NKAIN2: variants seen among roughly 807,000 people sequenced by gnomAD.
NKAIN2 encodes the protein sodium/potassium-transporting ATPase subunit beta-1-interacting protein 2.
NKAIN2 carries 14 observed loss-of-function variants against 32.6 expected under a neutral mutation model. The observed-to-expected ratio is 0.43, with a 90% confidence interval of 0.28 to 0.67. NKAIN2 has a LOEUF of 0.67. NKAIN2 is among the 30% of genes least tolerant of loss of function. The probability of loss-of-function intolerance (pLI) is 0.17; values close to 1 mark genes in which losing one functional copy is unlikely to be tolerated. For synonymous variants in NKAIN2, 80 were observed against 87.2 expected (o/e 0.92, Z 0.46); for missense variants, 198 against 258.3 (o/e 0.77, Z 1.60).
intron 3 of NKAIN2, among the ~76,000 whole-genome samples, chr6:124,469,743 G>A (rs879593435): frequency 6.6e-6 from 1 of 152,104 alleles, no homozygotes; most frequent in Non-Finnish European, 1.5e-5. Flanking sequence ...GTTTTTCACA[G>A]TAAAAATCCC....
intron 1 of NKAIN2, among the ~76,000 whole-genome samples, chr6:123,816,846 C>A (rs1562197103): frequency 6.6e-6 from 1 of 152,072 alleles, no homozygotes; most frequent in African/African-American, 2.4e-5. Flanking sequence ...GACGCAAGGC[C>A]CTTGATTGGC....
At chr6:124,060,291 A>G (rs1444857710) in intron 1 of NKAIN2, among the ~76,000 whole-genome samples, 3 of 152,132 alleles carry the variant, frequency 2.0e-5, no homozygotes, top group African/African-American at 7.2e-5. Flanking sequence ...CTTGATTTGC[A>G]CTCTCAGAGC....
chr6:124,196,449 A>G (rs1351229399), intron 1 of NKAIN2, among the ~76,000 whole-genome samples: 1 of 152,110 alleles, frequency 6.6e-6, no homozygotes, highest in Non-Finnish European at 1.5e-5. Flanking sequence ...AAAGTAAATC[A>G]TATAGTAAAT....
Position 123,804,173 on chromosome 6 carries a change from T to C in NKAIN2, c.-28T>C, listed in dbSNP as rs1040426252. Reference sequence around the variant, plus strand: ...CTCGACGGTGGCCGACGTGGGACAGTCTGGCTGTGGCAGGGGTCTCGGAAA... The same window carrying C: ...CTCGACGGTGGCCGACGTGGGACAGCCTGGCTGTGGCAGGGGTCTCGGAAA... On this transcript the variant is annotated 5_prime_UTR_variant, in exon 1 of 7. Transcript: ENST00000368417. The C allele has an allele frequency of 2.5e-6, 4 of 1,611,012 alleles. No homozygotes were observed. Among genetic ancestry groups the C allele is most frequent in the Admixed American group, 1.7e-5 (1 of 60,000 alleles).
intron 3 of NKAIN2, among the ~76,000 whole-genome samples, chr6:124,408,536 G>C (rs1773983976): frequency 6.6e-6 from 1 of 152,232 alleles, no homozygotes; most frequent in Non-Finnish European, 1.5e-5. Context: ...TGAGGGCTCT[G>C]TTCTGTTCCA....
chr6:124,520,263 G>A (rs1333432781), intron 3 of NKAIN2, among the ~76,000 whole-genome samples: 1 of 152,096 alleles, frequency 6.6e-6, no homozygotes, highest in Non-Finnish European at 1.5e-5. Flanking sequence ...TCTTACTTTT[G>A]TTTGTTTTTT....
At chr6:124,261,287 T>G (rs1447422236) in intron 1 of NKAIN2, among the ~76,000 whole-genome samples, 1 of 152,218 alleles carries the variant, frequency 6.6e-6, no homozygotes, top group Admixed American at 6.5e-5. Context: ...TTTACTATTA[T>G]GCAAGAAAAC....
At chr6:124,606,179 C>A (rs908301396) in intron 3 of NKAIN2, among the ~76,000 whole-genome samples, 1 of 151,912 alleles carries the variant, frequency 6.6e-6, no homozygotes, top group African/African-American at 2.4e-5. Flanking sequence ...TCACCTCTCA[C>A]AATTCTGTAT....
At chr6:124,227,111 TA>T (rs1351295996) in intron 1 of NKAIN2, among the ~76,000 whole-genome samples, 2 of 148,516 alleles carry the variant, frequency 1.3e-5, no homozygotes, top group Non-Finnish European at 3.0e-5. Context: ...AAAAAGTTAC[TA>T]ATACTCTGAA....
chr6:124,551,003 C>A (rs1414325245), intron 3 of NKAIN2, among the ~76,000 whole-genome samples: 3 of 152,140 alleles, frequency 2.0e-5, no homozygotes, highest in African/African-American at 7.2e-5. Context: ...TATGGATTGG[C>A]ATTTGGGAAA....
intron 1 of NKAIN2, among the ~76,000 whole-genome samples, chr6:123,965,875 C>T (rs1348761631): frequency 6.6e-6 from 1 of 152,112 alleles, no homozygotes; most frequent in African/African-American, 2.4e-5. Flanking sequence ...TACAATAAAA[C>T]CCAGTCTAAT....
At chr6:124,164,269 G>T (rs181988783) in intron 1 of NKAIN2, among the ~76,000 whole-genome samples, 64 of 151,960 alleles carry the variant, frequency 4.2e-4, no homozygotes, top group Non-Finnish European at 7.5e-4. Context: ...ATATACCCAC[G>T]TTTCCCAAAC....
intron 1 of NKAIN2, among the ~76,000 whole-genome samples, chr6:124,251,111 C>G (rs887343882): frequency 2.0e-5 from 3 of 151,718 alleles, no homozygotes; most frequent in Non-Finnish European, 2.9e-5. Flanking sequence ...AAGGAGAGAA[C>G]TAGAAAACAT....
intron 3 of NKAIN2, among the ~76,000 whole-genome samples, chr6:124,597,885 GAAGTT>G (rs1782153290): frequency 6.6e-6 from 1 of 152,162 alleles, no homozygotes; most frequent in African/African-American, 2.4e-5. Context: ...TTAAAGAAGT[GAAGTT>G]ATTTGGATGA....
At chr6:124,404,778 GAT>G (rs74273307) in intron 3 of NKAIN2, among the ~76,000 whole-genome samples, 24,254 of 151,930 alleles carry the variant, frequency 0.16, 2,206 homozygotes, top group East Asian at 0.24. Context: ...TAGAATTTAA[GAT>G]ATGTTTGTTT....
chr6:124,745,414 T>G (rs979635067), intron 4 of NKAIN2, among the ~76,000 whole-genome samples: 3 of 151,924 alleles, frequency 2.0e-5, no homozygotes, highest in African/African-American at 7.2e-5. Flanking sequence ...AAGGATGAAT[T>G]TAATATTTAG....
chr6:124,250,097 A>T (rs1224894950), intron 1 of NKAIN2, among the ~76,000 whole-genome samples: 1 of 152,092 alleles, frequency 6.6e-6, no homozygotes, highest in Non-Finnish European at 1.5e-5. Context: ...TGCCCTTTTA[A>T]TAGAGGCCCC....
chr6:124,351,965 A>G (rs144561405), intron 2 of NKAIN2, among the ~76,000 whole-genome samples: 73 of 152,260 alleles, frequency 4.8e-4, no homozygotes, highest in African/African-American at 1.7e-3. Flanking sequence ...ATGTGACATA[A>G]TCATCATAAT....
At chr6:124,286,268 G>T (rs1291219797) in intron 2 of NKAIN2, among the ~76,000 whole-genome samples, 15 of 151,888 alleles carry the variant, frequency 9.9e-5, no homozygotes, top group Admixed American at 9.8e-4. Flanking sequence ...TATACATTAT[G>T]CTATTTTCAT....
Sources: gnomAD v4.1 joint callset for allele counts (sites outside exome capture counted in the v4.1 genomes callset) on GRCh38, gnomAD v4.1.1 for gene constraint, MANE v1.5 for transcripts, NCBI Gene and HGNC (gene_info 2026-07-23, HGNC 2026-07-21) for gene names.